Variants in IRAK3 observed in about 807,000 individuals in gnomAD.
IRAK3 encodes interleukin-1 receptor-associated kinase 3.
A neutral mutation model predicts 56.6 loss-of-function variants in IRAK3; 57 were observed. The observed-to-expected ratio is 1.01, with a 90% CI of 0.81 to 1.26. The LOEUF (loss-of-function observed/expected upper bound fraction) is 1.26. Among genes scored for constraint, IRAK3 ranks in the 50% most tolerant of loss-of-function variants. IRAK3 has a pLI of 0.00. For synonymous variants in IRAK3, 258 were observed against 255.7 expected, an observed-to-expected ratio of 1.01 and a Z score of -0.09; for missense variants, 703 against 719.0, an observed-to-expected ratio of 0.98 and a Z score of 0.25.
chr12:66,249,686 TC>T lies in IRAK3; in HGVS notation c.*1517del, dbSNP rs1279294968. The T allele has an allele frequency of 1.3e-5, 2 of 152,664 alleles. No individual in the cohort carries two copies. Among genetic ancestry groups the T allele is most frequent in the Non-Finnish European group, 2.9e-5 (2 of 68,058 alleles). 9.5% of individuals were successfully genotyped at this position (152,664 alleles called of 1,614,324 possible). A position where few individuals can be genotyped will look rare whatever the true frequency, so the allele number is the denominator to read the frequency against. ...CTGCCTTCTTTGGCTCATGGCCTCT[TC>T]CTCCGTCTTCAAAGCCAGCAACGTG... is the stretch of plus-strand genomic sequence containing the variant. On this transcript the variant is annotated 3_prime_UTR_variant, in exon 12 of 12. Transcript: ENST00000261233.
rs2053121161 is a variant in IRAK3, at chr12:66,253,427, G to T, written c.*5256G>T. On this transcript the variant is annotated 3_prime_UTR_variant, in exon 12 of 12. Coordinates refer to ENST00000261233, the MANE Select transcript of IRAK3 (RefSeq NM_007199.3). ...CTGATGTTTGTTGTGTTTTGTATCT[G>T]TCTTCCCGTTCCAAATCATTTATAT... 6.6e-6 allele frequency: 1 copy of T among 152,102 alleles called. No homozygotes were observed. The allele number at this position is 152,102 out of a possible 1,614,324, so 9.4% of individuals were successfully genotyped here.
intron 4 of IRAK3, among the ~76,000 whole-genome samples, 153 bp from the exon 5 acceptor site, chr12:66,211,293 C>T (rs2052608877): frequency 6.6e-6 from 1 of 152,188 alleles, no homozygotes; most frequent in African/African-American, 2.4e-5. Context: ...AGTAAATGTG[C>T]AGAGAGCACA....
At position 66,250,479 on chromosome 12, in the gene IRAK3, T is replaced by C. The variant is rs2053085916; in HGVS notation, c.*2308T>C. The C allele has an allele frequency of 6.6e-6, 1 of 152,212 alleles. No individual in the cohort carries two copies. The highest frequency in any genetic ancestry group is 2.4e-5 in the African/African-American group (1 of 41,460). The allele number at this position is 152,212 out of a possible 1,614,324, so 9.4% of individuals were successfully genotyped here. The stretch of plus-strand genomic sequence containing the variant: ...AGATTAAAACCACAGTAAGTCTTAG[T>C]CTGACTGACAGGCTTTATACAGGCC... On this transcript the variant is annotated 3_prime_UTR_variant, in exon 12 of 12. Transcript: ENST00000261233.
intron 6 of IRAK3, among the ~76,000 whole-genome samples, chr12:66,225,929 A>G (rs1326551609): frequency 1.3e-5 from 2 of 152,208 alleles, no homozygotes; most frequent in Non-Finnish European, 2.9e-5. Flanking sequence ...TACCTGACAT[A>G]GTAGTGCTCA....
At chr12:66,198,318 A>G (rs961936372) in intron 1 of IRAK3, 31 of 155,406 alleles carry the variant, frequency 2.0e-4, no homozygotes, top group African/African-American at 7.2e-4. Context: ...TGGAGACCTC[A>G]TGGAGCTTGT....
chr12:66,196,110 CAT>C (rs1219143978), intron 1 of IRAK3, among the ~76,000 whole-genome samples: 1 of 151,562 alleles, frequency 6.6e-6, no homozygotes, highest in African/African-American at 2.4e-5. Context: ...TATATGTAAA[CAT>C]ATATATGTTT....
At chr12:66,244,430 T>A in intron 8 of IRAK3, 56 bp from the exon 9 acceptor site, 1 of 1,302,812 alleles carries the variant, frequency 7.7e-7, no homozygotes, top group Non-Finnish European at 1.1e-6. Context: ...TATGTTTGTT[T>A]ACACTGAAGT....
intron 6 of IRAK3, among the ~76,000 whole-genome samples, chr12:66,222,654 A>G (rs1407140136): frequency 1.3e-5 from 2 of 152,166 alleles, no homozygotes; most frequent in Non-Finnish European, 2.9e-5. Context: ...GAAGTAGCTT[A>G]TAATATTCCT....
intron 6 of IRAK3, 24 bp downstream of exon 6, chr12:66,217,259 T>G (rs1460884133): frequency 6.5e-7 from 1 of 1,544,158 alleles, no homozygotes; most frequent in South Asian, 1.1e-5. Context: ...CTCTGGAATT[T>G]CCTCCTCTTT....
chr12:66,230,499 C>T (rs2052833336), intron 8 of IRAK3, among the ~76,000 whole-genome samples: 1 of 152,118 alleles, frequency 6.6e-6, no homozygotes, highest in Non-Finnish European at 1.5e-5. Context: ...AGCTTTGCAC[C>T]CCTGCATCTG....
chr12:66,192,226 C>T (rs2052406245), intron 1 of IRAK3, among the ~76,000 whole-genome samples: 1 of 152,206 alleles, frequency 6.6e-6, no homozygotes, highest in Non-Finnish European at 1.5e-5. Context: ...TCTTTCATTA[C>T]TTCATTTAAT....
intron 8 of IRAK3, among the ~76,000 whole-genome samples, chr12:66,235,776 A>G (rs960245470): frequency 6.6e-6 from 1 of 152,244 alleles, no homozygotes; most frequent in African/African-American, 2.4e-5. Flanking sequence ...AAAATATTAA[A>G]AGTAAAATAT....
At chr12:66,196,089 TAAAC>T (rs568630545) in intron 1 of IRAK3, among the ~76,000 whole-genome samples, 35 of 152,132 alleles carry the variant, frequency 2.3e-4, no homozygotes, top group Non-Finnish European at 4.3e-4. Context: ...ATATATAAAA[TAAAC>T]TATATATATA....
intron 8 of IRAK3, chr12:66,234,737 G>A (rs2136944864): frequency 1.1e-5 from 18 of 1,598,068 alleles, no homozygotes; most frequent in Non-Finnish European, 1.5e-5. Context: ...TTCCGTCCTA[G>A]CAAAGCCAAC....
At chr12:66,206,581 C>T (rs2052560312) in intron 2 of IRAK3, among the ~76,000 whole-genome samples, 1 of 152,162 alleles carries the variant, frequency 6.6e-6, no homozygotes, top group South Asian at 2.1e-4. Context: ...CCCATTTGGT[C>T]ATTGTATCTA....
chr12:66,214,904 C>T (rs932306702), intron 5 of IRAK3, among the ~76,000 whole-genome samples: 2 of 152,084 alleles, frequency 1.3e-5, no homozygotes, highest in East Asian at 3.9e-4. Flanking sequence ...GTGAAGTGGA[C>T]CACATCTGAT....
At chr12:66,234,489 C>A (rs1027104760) in intron 8 of IRAK3, 26 of 1,611,568 alleles carry the variant, frequency 1.6e-5, no homozygotes, top group Non-Finnish European at 8.5e-7. Flanking sequence ...GGATAAAATC[C>A]GTTTTGTATA....
intron 8 of IRAK3, among the ~76,000 whole-genome samples, chr12:66,235,548 G>T (rs1222026206): frequency 6.6e-6 from 1 of 151,908 alleles, no homozygotes; most frequent in African/African-American, 2.4e-5. Flanking sequence ...TGCCATGGAC[G>T]GGAGTTCGCG....
intron 11 of IRAK3, among the ~76,000 whole-genome samples, chr12:66,247,396 A>G (rs563238316): frequency 2.6e-5 from 4 of 152,236 alleles, no homozygotes; most frequent in Non-Finnish European, 4.4e-5. Context: ...TGGTTGAAGT[A>G]AAAAATGTAG....
Sources: allele counts gnomAD v4.1 joint callset (sites outside exome capture counted in the v4.1 genomes callset), GRCh38; gene constraint gnomAD v4.1.1; transcripts MANE v1.5; gene names NCBI Gene and HGNC (gene_info 2026-07-23, HGNC 2026-07-21).